The following KAZN variants were observed in gnomAD, a reference collection of about 807,000 sequenced individuals.
The protein encoded by KAZN is kazrin.
Under a neutral mutation model 87.4 loss-of-function variants are expected in KAZN, and 40 were observed. The observed-to-expected ratio is 0.46, with a 90% CI of 0.36 to 0.60. The LOEUF is 0.60. Ranked by LOEUF, KAZN falls within the 20% of genes least tolerant of loss-of-function variation. The pLI, the probability that KAZN is intolerant of heterozygous loss-of-function variation, is 0.00. For missense variants in KAZN, 898 were observed against 1,073.9 expected (o/e 0.84, Z 2.29); for synonymous variants, 466 against 458.3 (o/e 1.02, Z -0.22).
At chr1:14,833,286 C>T (rs2100888815) in intron 1 of KAZN, among the ~76,000 whole-genome samples, 1 of 152,074 alleles carries the variant, frequency 6.6e-6, no homozygotes, top group South Asian at 2.1e-4. Context: ...AGTGTCCATG[C>T]CCCCCCACTG....
At chr1:14,581,336 G>C (rs1227906557) in intron 2 of KAZN, among the ~76,000 whole-genome samples, 1 of 152,042 alleles carries the variant, frequency 6.6e-6, no homozygotes, top group Admixed American at 6.5e-5. Context: ...TCTCACATGT[G>C]TTGCATTTAG....
intron 2 of KAZN, among the ~76,000 whole-genome samples, chr1:14,440,736 G>A (rs781033020): frequency 6.6e-6 from 1 of 152,182 alleles, no homozygotes; most frequent in Non-Finnish European, 1.5e-5. Context: ...CTTCTGTTTT[G>A]GCAGAGGGGA....
rs146869707 is a variant in KAZN, at chr1:14,441,691, A to G, written c.250-157292A>G. 9.6e-3 allele frequency among the ~76,000 whole-genome samples: 1,469 copies of G among 152,356 alleles called. 21 individuals carry two copies. The highest frequency in any genetic ancestry group is 0.033 in the African/African-American group (1,392 of 41,578). On this transcript the variant is annotated intron_variant, in intron 2 of 16. Transcript: ENST00000636203. ...ATTTTACATAGTGAGTCAAAATCCC[A>G]TAAAGCTGGCTCATGATGGGGGCAT... is the stretch of plus-strand genomic sequence containing the variant.
At chr1:14,747,679 G>T (rs1392531237) in intron 1 of KAZN, among the ~76,000 whole-genome samples, 1 of 152,240 alleles carries the variant, frequency 6.6e-6, no homozygotes, top group Non-Finnish European at 1.5e-5. Flanking sequence ...TTAAATACAA[G>T]TATCAGTTTG....
intron 1 of KAZN, among the ~76,000 whole-genome samples, chr1:13,942,516 C>T (rs1052134036): frequency 6.1e-5 from 8 of 131,476 alleles, no homozygotes; most frequent in South Asian, 2.4e-4. Flanking sequence ...GTCCGCAGTC[C>T]GGCCTGGGCG....
At chr1:14,356,469 C>G (rs538615058) in intron 2 of KAZN, among the ~76,000 whole-genome samples, 43 of 152,206 alleles carry the variant, frequency 2.8e-4, no homozygotes, top group Non-Finnish European at 5.3e-4. Flanking sequence ...GTTGCCATTG[C>G]TTTTGGTGTT....
chr1:14,007,432 TC>T (rs1364368698), intron 1 of KAZN, among the ~76,000 whole-genome samples: 3 of 152,168 alleles, frequency 2.0e-5, no homozygotes, highest in Non-Finnish European at 2.9e-5. Flanking sequence ...GCCAGCTTCC[TC>T]CTGTGCATTT....
At chr1:14,241,001 C>A (rs558958121) in intron 2 of KAZN, among the ~76,000 whole-genome samples, 1 of 152,368 alleles carries the variant, frequency 6.6e-6, no homozygotes, top group East Asian at 1.9e-4. Context: ...ATTGTCTCAT[C>A]TGTAAAGTGA....
chr1:14,162,547 CTT>C (rs113937893), intron 1 of KAZN, among the ~76,000 whole-genome samples: 15,772 of 138,550 alleles, frequency 0.11, 842 homozygotes, highest in East Asian at 0.31. Flanking sequence ...TTTCTTTTTT[CTT>C]TTTTTTTTTT....
intron 2 of KAZN, among the ~76,000 whole-genome samples, chr1:14,305,110 C>A (rs563194811): frequency 4.1e-4 from 62 of 152,170 alleles, no homozygotes; most frequent in Non-Finnish European, 6.5e-4. Flanking sequence ...CATTCCTCTG[C>A]ATCAGCTACG....
chr1:14,782,732 A>C lies in KAZN; in HGVS notation c.227-177952A>C, dbSNP rs954018558. Among the ~76,000 whole-genome samples, 10 of 152,120 alleles carry C rather than the reference A, an allele frequency of 6.6e-5. No individual in the cohort carries two copies. The East Asian group carries it at 1.9e-3, about 29-fold the overall frequency. On this transcript the variant is annotated intron_variant, in intron 1 of 14. Transcript: ENST00000376030. ...TCTAATTAGGTTTTCCCTTTAATCA[A>C]AGGAGTCCCAATCTAGGAACTCTTA... is the stretch of plus-strand genomic sequence containing the variant.
At chr1:14,904,817 A>G (rs1489291972) in intron 1 of KAZN, among the ~76,000 whole-genome samples, 1 of 152,182 alleles carries the variant, frequency 6.6e-6, no homozygotes, top group Non-Finnish European at 1.5e-5. Flanking sequence ...GCTGGGATGC[A>G]GTGGTGCGAT....
chr1:14,517,481 G>A (rs894418745), intron 2 of KAZN, among the ~76,000 whole-genome samples: 5 of 152,302 alleles, frequency 3.3e-5, no homozygotes, highest in East Asian at 3.9e-4. Context: ...AACTTACTCA[G>A]TTTGAGTCAT....
intron 1 of KAZN, among the ~76,000 whole-genome samples, chr1:14,675,602 T>C (rs923439020): frequency 6.6e-6 from 1 of 152,118 alleles, no homozygotes; most frequent in Non-Finnish European, 1.5e-5. Context: ...CTTTATTATG[T>C]CCTGTTTTCT....
In KAZN at chr1:15,077,281, A is replaced by G. The variant is rs1639802747; in HGVS notation, c.1222+11528A>G. ...CTCTGTGGACACCTCGTGCTCTGAC[A>G]GTCCCTGGTCTTCCCCTGCGTGTGG... On this transcript the variant is annotated intron_variant, in intron 8 of 14. Transcript: ENST00000376030. The surrounding 1 kb of genome is among the most constrained non-coding windows in gnomAD (Gnocchi z 4.8). 1.3e-5 allele frequency among the ~76,000 whole-genome samples: 2 copies of G among 152,272 alleles called. No homozygotes were observed. The highest frequency in any genetic ancestry group is 1.3e-4 in the Admixed American group (2 of 15,294).
At chr1:14,425,310 T>A (rs1409988047) in intron 2 of KAZN, among the ~76,000 whole-genome samples, 2 of 152,198 alleles carry the variant, frequency 1.3e-5, no homozygotes, top group East Asian at 3.9e-4. Context: ...TCTGGAACAC[T>A]GGTTGGTCTT....
intron 1 of KAZN, among the ~76,000 whole-genome samples, chr1:14,850,072 A>G (rs943605626): frequency 6.6e-6 from 1 of 151,624 alleles, no homozygotes; most frequent in Non-Finnish European, 1.5e-5. Context: ...AGTAGCTGGG[A>G]CTACAGGTGT....
intron 1 of KAZN, among the ~76,000 whole-genome samples, chr1:13,901,103 C>G (rs775380855): frequency 2.0e-5 from 3 of 151,638 alleles, no homozygotes; most frequent in Non-Finnish European, 4.4e-5. Context: ...TCTTGATTCC[C>G]AAGGCCAAGA....
intron 1 of KAZN, among the ~76,000 whole-genome samples, chr1:13,958,870 G>A (rs1329056593): frequency 1.3e-5 from 2 of 152,284 alleles, no homozygotes; most frequent in East Asian, 3.9e-4. Flanking sequence ...AAATGCAGGA[G>A]CTAGGCTGCT....
Sources: allele counts gnomAD v4.1 joint callset (sites outside exome capture counted in the v4.1 genomes callset), GRCh38; gene constraint gnomAD v4.1.1; non-coding constraint Gnocchi (gnomAD v3.1); transcripts MANE v1.5; gene names NCBI Gene and HGNC (gene_info 2026-07-23, HGNC 2026-07-21).